IPO9: variants seen among roughly 807,000 people sequenced by gnomAD.
IPO9 encodes the protein importin-9.
IPO9 carries 28 observed loss-of-function variants against 128.6 expected under a neutral mutation model. The observed-to-expected ratio is 0.22, with a 90% confidence interval of 0.16 to 0.30. The LOEUF (loss-of-function observed/expected upper bound fraction) is 0.30, where lower values mean the gene tolerates loss of function less well. IPO9 is among the 10% of genes least tolerant of loss of function. IPO9 has a pLI of 1.00. For synonymous variants in IPO9, 455 were observed against 475.8 expected (o/e 0.96, Z 0.57); for missense variants, 935 against 1,293.9 (o/e 0.72, Z 4.26).
chr1:201,839,741 A>G (rs1429671306), intron 1 of IPO9, among the ~76,000 whole-genome samples: 1 of 152,162 alleles, frequency 6.6e-6, no homozygotes, highest in Non-Finnish European at 1.5e-5. Context: ...TAAACTTGAC[A>G]TAGGGAAAGG....
chr1:201,854,609 C>G lies in IPO9; in HGVS notation c.705C>G (p.Val235=). 6.2e-7 allele frequency: 1 copy of G among 1,613,988 alleles called. No homozygotes were observed. The highest frequency in any genetic ancestry group is 8.5e-7 in the Non-Finnish European group (1 of 1,180,034). ...MEELEKGAAK[V]LIFPVVQQFT... ...TCTGTTATCAGGGTGCAGCCAAAGTCCTGATCTTTCCCGTGGTACAGCAGT... is the reference window on the plus strand; with the variant it reads ...TCTGTTATCAGGGTGCAGCCAAAGTGCTGATCTTTCCCGTGGTACAGCAGT... The change falls in exon 7 of 24, where the codon GTC becomes GTG. Residue 235 remains valine (V), a synonymous_variant. Transcript: ENST00000361565.
intron 12 of IPO9, 134 bp from the exon 13 acceptor site, chr1:201,858,721 T>C (rs1183440997): frequency 3.2e-6 from 3 of 935,404 alleles, no homozygotes; most frequent in Non-Finnish European, 4.7e-6. Flanking sequence ...TAGGTTAGAA[T>C]GGAAGGGCTT....
At chr1:201,856,079 C>A in intron 10 of IPO9, 145 bp downstream of exon 10, 47 of 575,770 alleles carry the variant, frequency 8.2e-5, no homozygotes, top group Non-Finnish European at 9.0e-5. Context: ...AAAGGTTTGA[C>A]ATCATTTTAT....
chr1:201,829,440 G>C, intron 1 of IPO9, 68 bp downstream of exon 1: 2 of 1,430,894 alleles, frequency 1.4e-6, no homozygotes, highest in East Asian at 6.0e-5. Context: ...CTCCGTACCG[G>C]CTGGGGACAT....
intron 10 of IPO9, 111 bp downstream of exon 10, chr1:201,856,045 A>G (rs1449067056): frequency 1.2e-6 from 1 of 849,672 alleles, no homozygotes; most frequent in African/African-American, 1.8e-5. Flanking sequence ...ACACAAAAAG[A>G]ATAATTTCAT....
chr1:201,875,467 G>A (rs957804479), intron 23 of IPO9, among the ~76,000 whole-genome samples: 1 of 152,034 alleles, frequency 6.6e-6, no homozygotes, highest in Non-Finnish European at 1.5e-5. Context: ...GCACACCCCC[G>A]TGGTCCCAGC....
Position 201,854,653 on chromosome 1 carries a change from A to C in IPO9, c.749A>C (p.Gln250Pro). The change falls in exon 7 of 24, where the codon CAG becomes CCG. Residue 250 changes from glutamine to proline, a missense_variant. Coordinates refer to ENST00000361565, the MANE Select transcript of IPO9 (RefSeq NM_018085.5). ...VVQQFTEAFV[Q>P]ALQIPDGPTS... ...CAGCAGTTCACAGAGGCCTTTGTTC[A>C]GGCCCTCCAGATACCAGATGGCCCC... 6.2e-7 allele frequency: 1 copy of C among 1,614,226 alleles called. No individual in the cohort carries two copies. The highest frequency in any genetic ancestry group is 8.5e-7 in the Non-Finnish European group (1 of 1,180,046).
chr1:201,853,301 A>G (rs1453621710), intron 6 of IPO9, among the ~76,000 whole-genome samples: 29 of 151,928 alleles, frequency 1.9e-4, no homozygotes, highest in Admixed American at 1.7e-3. Context: ...TGGTGCAATC[A>G]TGGCTCACTA....
At chr1:201,861,070 G>A (rs559903716) in intron 13 of IPO9, among the ~76,000 whole-genome samples, 1 of 152,328 alleles carries the variant, frequency 6.6e-6, no homozygotes, top group East Asian at 1.9e-4. Context: ...GGAGGCTGAG[G>A]TAGAGGAATT....
chr1:201,850,660 G>A (rs1323605188), intron 4 of IPO9: 1 of 152,138 alleles, frequency 6.6e-6, no homozygotes, highest in African/African-American at 2.4e-5. Flanking sequence ...ATTGATACCA[G>A]GGATGAGTAT....
chr1:201,832,924 G>A (rs2644111), intron 1 of IPO9, among the ~76,000 whole-genome samples: 42,717 of 152,172 alleles, frequency 0.28, 6,232 homozygotes, highest in Non-Finnish European at 0.33. Context: ...CTGTTAAAAG[G>A]ACAGGCAAGA....
rs1227043450 is a variant in IPO9 at position 201,856,952 on chromosome 1, G to C, written c.1123-144G>C. ...TCCTCCCACCTTGGCCTCCCAAAGT[G>C]TCAGGATTACAGTTGTGAGCCATTG... On this transcript the variant is annotated intron_variant, in intron 10 of 23. Transcript: ENST00000361565. 4.7e-6 allele frequency: 3 copies of C among 643,164 alleles called. No individual in the cohort carries two copies. The East Asian group carries it at 8.4e-5, about 18-fold the overall frequency. The allele number at this position is 643,164 out of a possible 1,614,324, so 39.8% of individuals were successfully genotyped here.
rs138041576 is a variant in IPO9 at position 201,865,488 on chromosome 1, A to G, written c.1629-1245A>G. ...CTCCCAAAGTGCTGGGATTACAGAC[A>G]TGAGCCACCGCGCCCGGCCTGCAGC... On this transcript the variant is annotated intron_variant, in intron 14 of 23. Transcript: ENST00000361565. 5.4e-3 allele frequency among the ~76,000 whole-genome samples: 825 copies of G among 152,222 alleles called. 7 individuals carry two copies. Among genetic ancestry groups the G allele is most frequent in the African/African-American group, 0.019 (778 of 41,532 alleles).
In IPO9 at chr1:201,883,185, C is replaced by T. The variant is rs1043843095; in HGVS notation, c.*7131C>T. ...TTTCACTAGATTCCCCCCCCCCCAA[C>T]AACTTAGTCCAAGAACATACCTGAA... On this transcript the variant is annotated 3_prime_UTR_variant, in exon 24 of 24. Transcript: ENST00000361565. 7.8e-6 allele frequency: 1 copy of T among 128,612 alleles called. No homozygotes were observed. Among genetic ancestry groups the T allele is most frequent in the Non-Finnish European group, 1.7e-5 (1 of 59,550 alleles). The allele number at this position is 128,612 out of a possible 1,614,324, so 8.0% of individuals were successfully genotyped here.
chr1:201,832,210 G>C (rs1462878145), intron 1 of IPO9, among the ~76,000 whole-genome samples: 1 of 150,976 alleles, frequency 6.6e-6, no homozygotes, highest in African/African-American at 2.4e-5. Context: ...CCACATTTTA[G>C]TTTTACCCTG....
intron 4 of IPO9, among the ~76,000 whole-genome samples, chr1:201,849,609 A>G (rs569145208): frequency 6.6e-6 from 1 of 152,366 alleles, no homozygotes; most frequent in South Asian, 2.1e-4. Flanking sequence ...AACTTGGCAC[A>G]TAGGCCCAAT....
At chr1:201,875,032 C>T in intron 22 of IPO9, 96 bp downstream of exon 22, 2 of 1,336,710 alleles carry the variant, frequency 1.5e-6, no homozygotes, top group Non-Finnish European at 2.2e-6. Context: ...GAGGTGGGCC[C>T]ACAGGGACAT....
At chr1:201,874,784 A>G (rs1680728133) in intron 21 of IPO9, 48 bp from the exon 22 acceptor site, 1 of 1,322,476 alleles carries the variant, frequency 7.6e-7, no homozygotes, top group African/African-American at 1.4e-5. Flanking sequence ...TGGGGAGGGA[A>G]AATGCATGAA....
intron 1 of IPO9, among the ~76,000 whole-genome samples, chr1:201,840,301 G>A (rs1680012303): frequency 6.6e-6 from 1 of 152,174 alleles, no homozygotes; most frequent in African/African-American, 2.4e-5. Context: ...GAATTCCTGG[G>A]CTCAAGTGAT....
Sources: gnomAD v4.1 joint callset for allele counts (sites outside exome capture counted in the v4.1 genomes callset) on GRCh38, gnomAD v4.1.1 for gene constraint, MANE v1.5 for transcripts, NCBI Gene and HGNC (gene_info 2026-07-23, HGNC 2026-07-21) for gene names.